Variants in VPS39 observed in about 807,000 individuals in gnomAD.
The protein encoded by VPS39 is vam6/Vps39-like protein.
VPS39 carries 70 observed loss-of-function variants against 121.0 expected under a neutral mutation model. The observed-to-expected ratio is 0.58, with a 90% CI of 0.48 to 0.71. The LOEUF is 0.71. Ranked by LOEUF, VPS39 falls within the 30% of genes least tolerant of loss-of-function variation. The pLI is 0.00. For missense variants in VPS39, 818 were observed against 1,051.5 expected (o/e 0.78, Z 3.07); for synonymous variants, 378 against 398.1 (o/e 0.95, Z 0.60).
At chr15:42,199,781 C>A in intron 2 of VPS39, 115 bp downstream of exon 2, 1 of 1,149,872 alleles carries the variant, frequency 8.7e-7, no homozygotes, top group East Asian at 2.7e-5. Flanking sequence ...ATTTTCCCAC[C>A]GTGCTCCCTC....
In VPS39 at chr15:42,208,205, G is replaced by A. The variant is rs1208148295; in HGVS notation, c.-52C>T. 13 of 1,550,772 alleles carry A rather than the reference G, an allele frequency of 8.4e-6. No individual in the cohort carries two copies. Among genetic ancestry groups the A allele is most frequent in the African/African-American group, 1.4e-5 (1 of 73,070 alleles). ...CGTCTCGCCCAGAGTGTTCCGGGCC[G>A]GGCTGGGGTCCGGAACGAGTCTGGG... On this transcript the variant is annotated 5_prime_UTR_variant, in exon 1 of 25. Coordinates refer to ENST00000318006, the MANE Select transcript of VPS39 (RefSeq NM_015289.5).
intron 8 of VPS39, among the ~76,000 whole-genome samples, chr15:42,182,341 C>T (rs1277015135): frequency 6.6e-6 from 1 of 152,102 alleles, no homozygotes; most frequent in Non-Finnish European, 1.5e-5. Context: ...AAATCTGTCC[C>T]ACTTGAATAC....
At chr15:42,174,902 A>T (rs2049417683) in intron 10 of VPS39, among the ~76,000 whole-genome samples, 1 of 151,986 alleles carries the variant, frequency 6.6e-6, no homozygotes, top group African/African-American at 2.4e-5. Flanking sequence ...TGAACCCAGG[A>T]GGCGGAGGTT....
At chr15:42,175,690 C>T (rs1262399714) in intron 10 of VPS39, among the ~76,000 whole-genome samples, 1 of 151,998 alleles carries the variant, frequency 6.6e-6, no homozygotes, top group Non-Finnish European at 1.5e-5. Flanking sequence ...GGTCTCCGCT[C>T]TCCTGCTTGG....
chr15:42,189,603 C>T (rs1191648107), intron 4 of VPS39, among the ~76,000 whole-genome samples: 1 of 151,398 alleles, frequency 6.6e-6, no homozygotes, highest in Non-Finnish European at 1.5e-5. Flanking sequence ...GTGGTGGGTG[C>T]CTGTAATCCC....
intron 2 of VPS39, among the ~76,000 whole-genome samples, chr15:42,192,960 A>G (rs528118868): frequency 1.3e-5 from 2 of 152,064 alleles, no homozygotes; most frequent in African/African-American, 4.8e-5. Context: ...TTGTATTTTT[A>G]GTAGAGACAG....
intron 7 of VPS39, 33 bp downstream of exon 7, chr15:42,187,238 A>G: frequency 1.1e-5 from 17 of 1,544,698 alleles, no homozygotes; most frequent in Non-Finnish European, 1.4e-5. Flanking sequence ...CCCAAGATAA[A>G]CTAATGATAT....
chr15:42,201,649 C>T (rs1362620902), intron 1 of VPS39, among the ~76,000 whole-genome samples: 1 of 152,168 alleles, frequency 6.6e-6, no homozygotes, highest in Non-Finnish European at 1.5e-5. Flanking sequence ...CCAGATGATG[C>T]TGATGCTGGT....
In VPS39 at chr15:42,208,109, A is replaced by T; in HGVS notation, c.45T>A (p.Pro15=). 1 of 1,590,772 alleles carries T rather than the reference A, an allele frequency of 6.3e-7. No homozygotes were observed. Among genetic ancestry groups the T allele is most frequent in the Non-Finnish European group, 8.6e-7 (1 of 1,168,044 alleles). ...FEPVPILEKL[P]LQIDCLAAWE... ...AGGCAGCCAGACAGTCGATTTGCAG[A>T]GGCAGCTTTTCTAGGATCGGCACTG... Residue 15 remains proline, a synonymous_variant, in exon 1 of 25, where the codon CCT becomes CCA. Transcript: ENST00000318006.
chr15:42,192,965 A>T (rs1375285562), intron 2 of VPS39, among the ~76,000 whole-genome samples: 1 of 152,050 alleles, frequency 6.6e-6, no homozygotes, highest in Non-Finnish European at 1.5e-5. Context: ...TTTTTAGTAG[A>T]GACAGGGTTT....
At chr15:42,162,547 C>T (rs1054660071) in intron 21 of VPS39, 66 bp from the exon 22 acceptor site, 4 of 1,503,896 alleles carry the variant, frequency 2.7e-6, no homozygotes, top group Non-Finnish European at 3.6e-6. Context: ...CAGCACTGAG[C>T]ATGCCTAACG....
intron 2 of VPS39, chr15:42,192,193 C>T: frequency 8.3e-7 from 1 of 1,205,764 alleles, no homozygotes; most frequent in Admixed American, 2.0e-5. Flanking sequence ...CAAAAGTCAC[C>T]AATGAGTCAA....
chr15:42,182,065 C>A (rs2049592723), intron 8 of VPS39, among the ~76,000 whole-genome samples: 1 of 152,130 alleles, frequency 6.6e-6, no homozygotes, highest in Admixed American at 6.5e-5. Flanking sequence ...GCAATTTATA[C>A]TATCAATGAA....
intron 21 of VPS39, among the ~76,000 whole-genome samples, chr15:42,163,045 A>G (rs546258070): frequency 2.0e-5 from 3 of 152,352 alleles, no homozygotes; most frequent in Non-Finnish European, 4.4e-5. Context: ...TATTCAAGAT[A>G]TAGTACATCA....
intron 1 of VPS39, among the ~76,000 whole-genome samples, chr15:42,203,402 A>C (rs893610639): frequency 3.3e-5 from 5 of 151,700 alleles, no homozygotes; most frequent in African/African-American, 1.2e-4. Flanking sequence ...TGAACCCCGG[A>C]GGGAGAGGCT....
intron 1 of VPS39, among the ~76,000 whole-genome samples, chr15:42,204,437 G>A (rs563844528): frequency 1.3e-5 from 2 of 152,288 alleles, no homozygotes; most frequent in East Asian, 3.9e-4. Flanking sequence ...ATCACCTCAG[G>A]TCAGGCGTTT....
rs561558317 is a variant in VPS39, at chr15:42,199,993, C to A, written c.74-32G>T. ...AAACAAAACAAAACAAAAACAAAAACAAAAAAAAACCAGCTTTGAGAAAGG... is the reference window on the plus strand; with the variant it reads ...AAACAAAACAAAACAAAAACAAAAAAAAAAAAAAACCAGCTTTGAGAAAGG... On this transcript the variant is annotated intron_variant, in intron 1 of 24. Coordinates refer to ENST00000318006, the MANE Select transcript of VPS39 (RefSeq NM_015289.5). 146 of 1,506,170 alleles carry A rather than the reference C, an allele frequency of 9.7e-5. No homozygotes were observed. In the African/African-American group the frequency reaches 1.7e-3, roughly 18 times the overall value. The allele number at this position is 1,506,170 out of a possible 1,614,324, so 93.3% of individuals were successfully genotyped here.
rs1170025255 is a variant in VPS39 at position 42,184,592 on chromosome 15, T to C, written c.643A>G (p.Thr215Ala). 1 of 1,614,154 alleles carries C rather than the reference T, an allele frequency of 6.2e-7. No homozygotes were observed. Among genetic ancestry groups the C allele is most frequent in the Non-Finnish European group, 8.5e-7 (1 of 1,180,014 alleles). ...ATCCCTTCCTCATTGAGTACCACGG[T>C]GAGATCATCCTGGCCCACAGCCACT... ...GKVAVGQDDLTVVLNEEGICT... is the reference protein window; with the variant it reads ...GKVAVGQDDLAVVLNEEGICT... The change falls in exon 8 of 25, where the codon ACC becomes GCC. Residue 215 changes from threonine (T) to alanine (A), a missense_variant. By Grantham distance (58) the Thr-to-Ala change is moderately conservative (BLOSUM62 0). Coordinates refer to ENST00000318006, the MANE Select transcript of VPS39 (RefSeq NM_015289.5).
At chr15:42,199,687 G>A (rs1376851873) in intron 2 of VPS39, 4 of 550,168 alleles carry the variant, frequency 7.3e-6, no homozygotes, top group Admixed American at 3.7e-5. Flanking sequence ...AAGTAAACCA[G>A]CAATTCATCC....
Sources: allele counts gnomAD v4.1 joint callset (sites outside exome capture counted in the v4.1 genomes callset), GRCh38; gene constraint gnomAD v4.1.1; transcripts MANE v1.5; gene names NCBI Gene and HGNC (gene_info 2026-07-23, HGNC 2026-07-21).